Variants in COL4A3 observed in about 807,000 individuals in gnomAD.
COL4A3 encodes the protein collagen type IV alpha 3 chain, also known as collagen alpha-3(IV) chain.
In COL4A3, 135 loss-of-function variants were observed where a neutral mutation model predicts 217.4. That is an observed-to-expected ratio of 0.62 (90% CI 0.54 to 0.72). The LOEUF (loss-of-function observed/expected upper bound fraction) is 0.72. Among genes scored for constraint, COL4A3 ranks in the 30% least tolerant of loss-of-function variants. The pLI, the probability that COL4A3 is intolerant of heterozygous loss-of-function variation, is 0.00. For synonymous variants in COL4A3, 690 were observed against 736.3 expected, an observed-to-expected ratio of 0.94 and a Z score of 1.02; for missense variants, 1,868 against 2,119.9, an observed-to-expected ratio of 0.88 and a Z score of 2.33.
At chr2:227,217,050 AAAG>A (rs1385695286) in intron 1 of COL4A3, among the ~76,000 whole-genome samples, 1 of 152,250 alleles carries the variant, frequency 6.6e-6, no homozygotes, top group Non-Finnish European at 1.5e-5. Flanking sequence ...TTATAAAGAA[AAAG>A]AAGTTTAATG....
intron 26 of COL4A3, among the ~76,000 whole-genome samples, chr2:227,274,791 G>A (rs1031358606): frequency 1.3e-5 from 2 of 152,168 alleles, no homozygotes; most frequent in East Asian, 3.9e-4. Flanking sequence ...GAGCCACCAT[G>A]CCTGGCCGAA....
At chr2:227,302,677 CAAAAAAAAAAAAA>C (rs56065709) in intron 43 of COL4A3, among the ~76,000 whole-genome samples, 38,100 of 81,154 alleles carry the variant, frequency 0.47, 7,613 homozygotes, top group South Asian at 0.64. Context: ...ACTCTTTCTC[CAAAAAAAAAAAAA>C]AAAAAAAAAA....
intron 41 of COL4A3, chr2:227,296,366 A>G: frequency 7.5e-6 from 2 of 265,004 alleles, no homozygotes; most frequent in Non-Finnish European, 1.2e-5. Context: ...GAATGAGAAC[A>G]CTAGCTTTTA....
chr2:227,218,249 G>A (rs896010857), intron 1 of COL4A3, among the ~76,000 whole-genome samples: 49 of 152,004 alleles, frequency 3.2e-4, no homozygotes, highest in Non-Finnish European at 4.9e-4. Context: ...GGTGGATCAC[G>A]AGGTCAGGAG....
At position 227,238,026 on chromosome 2, in the gene COL4A3, T is replaced by TA; in HGVS notation, c.144+7dup. The TA allele has an allele frequency of 1.3e-6, 2 of 1,595,902 alleles. No homozygotes were observed. The highest frequency in any genetic ancestry group is 1.7e-6 in the Non-Finnish European group (2 of 1,163,528). On this transcript the variant is annotated splice_region_variant and intron_variant, in intron 2 of 51. Transcript: ENST00000396578. ...TGTGACGGGGCCAAAGGGGAGAAGG[T>TA]AAAAACAAACCCTAATACTGCTTGT...
chr2:227,253,599 A>G lies in COL4A3; in HGVS notation c.726A>G (p.Gly242=), dbSNP rs1247280459. ...KGLTGPPGPP[G]TVIVTLTGPD... is the part of the protein sequence containing the mutation. Reference sequence around the variant, plus strand: ...TAACAGGACCCCCGGGACCACCAGGAACAGTTATTGTGACCCTAACTGGCC... The same window carrying G: ...TAACAGGACCCCCGGGACCACCAGGGACAGTTATTGTGACCCTAACTGGCC... The change falls in exon 13 of 52, where the codon GGA becomes GGG. Residue 242 remains glycine (G), a synonymous_variant. Coordinates refer to ENST00000396578, the MANE Select transcript of COL4A3 (RefSeq NM_000091.5). The surrounding 1 kb of genome is among the most constrained non-coding windows in gnomAD (Gnocchi z 4.4). 3.1e-6 allele frequency: 5 copies of G among 1,613,992 alleles called. No homozygotes were observed. Among genetic ancestry groups the G allele is most frequent in the Non-Finnish European group, 4.2e-6 (5 of 1,180,000 alleles).
intron 9 of COL4A3, among the ~76,000 whole-genome samples, chr2:227,249,230 A>ATATATATATATATATATTTTTTT: frequency 6.8e-5 from 1 of 14,692 alleles, no homozygotes; most frequent in African/African-American, 2.7e-4. Context: ...ATATATATAT[A>ATATATATATATATATATTTTTTT]TTTTTTTTTT....
At chr2:227,302,589 A>G (rs75467290) in intron 43 of COL4A3, among the ~76,000 whole-genome samples, 8,519 of 149,648 alleles carry the variant, frequency 0.057, 330 homozygotes, top group African/African-American at 0.097. Flanking sequence ...AGGCATGACA[A>G]TTACTTGAAT....
In COL4A3 at chr2:227,298,808, G is replaced by T; in HGVS notation, c.3878G>T (p.Arg1293Leu). ...GCAGGAGACATGGGACCACCAGGTC[G>T]TCTGGTGAGTATGGATAATTATTTT... ...GTAGDMGPPG[R>L]LGAPGTPGLP... Residue 1293 changes from arginine to leucine, a missense_variant, in exon 43 of 52, where the codon CGT becomes CTT. This residue lies in a region of COL4A3 where 1,503 missense variants were observed against 1,786.1 expected (regional missense o/e 0.84). Coordinates refer to ENST00000396578, the MANE Select transcript of COL4A3 (RefSeq NM_000091.5). The T allele has an allele frequency of 6.2e-7, 1 of 1,613,568 alleles. No homozygotes were observed. The highest frequency in any genetic ancestry group is 8.5e-7 in the Non-Finnish European group (1 of 1,179,872).
At chr2:227,235,506 T>C (rs566957613) in intron 1 of COL4A3, among the ~76,000 whole-genome samples, 60 of 152,272 alleles carry the variant, frequency 3.9e-4, no homozygotes, top group Middle Eastern at 6.8e-3. Flanking sequence ...CATGGATAAG[T>C]TCTTTAGTGG....
chr2:227,237,382 C>T (rs1477712558), intron 1 of COL4A3, among the ~76,000 whole-genome samples: 1 of 152,052 alleles, frequency 6.6e-6, no homozygotes, highest in Non-Finnish European at 1.5e-5. Flanking sequence ...AAGGTTGGTG[C>T]AAAAGTTATT....
At chr2:227,223,485 G>A (rs1167668774) in intron 1 of COL4A3, among the ~76,000 whole-genome samples, 3 of 152,164 alleles carry the variant, frequency 2.0e-5, no homozygotes, top group Non-Finnish European at 2.9e-5. Flanking sequence ...TATAATCCCA[G>A]CACTTCGGGA....
At chr2:227,238,521 G>C (rs1246448988) in intron 2 of COL4A3, among the ~76,000 whole-genome samples, 1 of 152,098 alleles carries the variant, frequency 6.6e-6, no homozygotes, top group Non-Finnish European at 1.5e-5. Flanking sequence ...CTCCATTGCA[G>C]AATTCAAGAA....
intron 1 of COL4A3, among the ~76,000 whole-genome samples, chr2:227,200,767 T>C (rs2066654323): frequency 6.6e-6 from 1 of 152,220 alleles, no homozygotes; most frequent in South Asian, 2.1e-4. Flanking sequence ...ATAAGTAACA[T>C]GATGTTAATT....
intron 1 of COL4A3, among the ~76,000 whole-genome samples, chr2:227,185,202 C>T (rs949463219): frequency 1.3e-5 from 2 of 152,118 alleles, no homozygotes; most frequent in Non-Finnish European, 2.9e-5. Context: ...GCCCGGCCCT[C>T]ACTGGACTTT....
chr2:227,292,070 G>C (rs2072777464), intron 37 of COL4A3, among the ~76,000 whole-genome samples: 1 of 152,124 alleles, frequency 6.6e-6, no homozygotes, highest in Admixed American at 6.5e-5. Context: ...TGTTTTTGTA[G>C]GGTAGAGTCT....
intron 1 of COL4A3, chr2:227,222,585 A>T (rs1009672382): frequency 2.6e-5 from 4 of 152,236 alleles, no homozygotes; most frequent in Admixed American, 2.0e-4. Flanking sequence ...TTACAGTGCA[A>T]TTAGGTACGT....
At chr2:227,232,794 TTAAA>T (rs1471832493) in intron 1 of COL4A3, among the ~76,000 whole-genome samples, 2 of 152,178 alleles carry the variant, frequency 1.3e-5, no homozygotes, top group Non-Finnish European at 2.9e-5. Context: ...TAATTAAATA[TTAAA>T]TAAATAAGTG....
rs566993466 is a variant in COL4A3 at position 227,256,380 on chromosome 2, G to A, written c.971G>A (p.Gly324Asp). Residue 324 changes from glycine to aspartate, a missense_variant, in exon 17 of 52, where the codon GGT becomes GAT. Physicochemically the swap from Gly to Asp is moderately conservative, Grantham distance 94 (BLOSUM62 -1). This residue lies in a region of COL4A3 where 1,503 missense variants were observed against 1,786.1 expected (regional missense o/e 0.84). Transcript: ENST00000396578. The stretch of plus-strand genomic sequence containing the variant: ...AACAGGGGTTTCCCTGGGTTAATGG[G>A]TGAAGATGGCATTAAGGTAATCCTC... ...KGNRGFPGLM[G>D]EDGIKGQKGD... 8.1e-6 allele frequency: 13 copies of A among 1,613,358 alleles called. No individual in the cohort carries two copies. In the South Asian group the frequency reaches 1.4e-4, roughly 18 times the overall value.
Sources: gnomAD v4.1 joint callset for allele counts (sites outside exome capture counted in the v4.1 genomes callset) on GRCh38, gnomAD v4.1.1 for gene constraint, gnomAD v4.1.1 regional missense constraint, Gnocchi (gnomAD v3.1) non-coding constraint, MANE v1.5 for transcripts, NCBI Gene and HGNC (gene_info 2026-07-23, HGNC 2026-07-21) for gene names.